Variants in PTCHD4 observed in about 807,000 individuals in gnomAD.
PTCHD4 encodes patched domain-containing protein 4.
PTCHD4 carries 33 observed loss-of-function variants against 58.1 expected under a neutral mutation model. That is an observed-to-expected ratio of 0.57 (90% CI 0.43 to 0.76). PTCHD4 has a LOEUF of 0.76. Among genes scored for constraint, PTCHD4 ranks in the 30% least tolerant of loss-of-function variants. The probability of loss-of-function intolerance (pLI) is 0.00; values close to 1 mark genes in which losing one functional copy is unlikely to be tolerated. For missense variants in PTCHD4, 1,058 were observed against 1,027.1 expected (o/e 1.03, Z -0.41); for synonymous variants, 478 against 409.6 (o/e 1.17, Z -2.02).
At chr6:48,079,901 C>A (rs552520701) in intron 1 of PTCHD4, among the ~76,000 whole-genome samples, 2 of 149,976 alleles carry the variant, frequency 1.3e-5, no homozygotes, top group Admixed American at 1.3e-4. Flanking sequence ...GAATTTATAG[C>A]CAATTTGGGA....
chr6:47,999,002 T>A (rs1229297840), intron 4 of PTCHD4, among the ~76,000 whole-genome samples: 1 of 152,184 alleles, frequency 6.6e-6, no homozygotes, highest in Non-Finnish European at 1.5e-5. Flanking sequence ...AGTCAATGTT[T>A]AAAAATGTTG....
intron 1 of PTCHD4, among the ~76,000 whole-genome samples, chr6:48,097,535 T>C (rs561905806): frequency 8.5e-5 from 13 of 152,158 alleles, no homozygotes; most frequent in Non-Finnish European, 1.8e-4. Context: ...CAGTCAATAA[T>C]AGAGTAAGAA....
chr6:47,943,615 CT>C (rs1326379963), intron 4 of PTCHD4, among the ~76,000 whole-genome samples: 3 of 152,102 alleles, frequency 2.0e-5, no homozygotes, highest in African/African-American at 7.2e-5. Flanking sequence ...CAAATCCCCC[CT>C]GCTGCTTGTT....
chr6:47,977,705 T>C (rs1173218610), intron 4 of PTCHD4, among the ~76,000 whole-genome samples: 1 of 147,772 alleles, frequency 6.8e-6, no homozygotes, highest in East Asian at 2.0e-4. Context: ...CTAAAACATA[T>C]ATATTTATAA....
rs1310685966 is a variant in PTCHD4 at position 47,874,834 on chromosome 6, A to G, written c.*3469T>C. 6.6e-6 allele frequency among the ~76,000 whole-genome samples: 1 copy of G among 151,864 alleles called. No individual in the cohort carries two copies. The highest frequency in any genetic ancestry group is 1.5e-5 in the Non-Finnish European group (1 of 67,860). On this transcript the variant is annotated 3_prime_UTR_variant, in exon 5 of 5. Transcript: ENST00000339488. ...TAACTGCAAGAATTCCTGGGAAGAC[A>G]TCTAAACATGACTTTCATTAAAAAG...
rs762271819 is a variant in PTCHD4, at chr6:48,068,508, C to T, written c.139G>A (p.Ala47Thr). 6.2e-7 allele frequency: 1 copy of T among 1,612,882 alleles called. No homozygotes were observed. Among genetic ancestry groups the T allele is most frequent in the Non-Finnish European group, 8.5e-7 (1 of 1,179,792 alleles). ...AGGCCGAAGGTGATTGTCAGGACTG[C>T]GGGCACGGTGAGGAAAAAGACCGGG... ...RHPVFFLTVP[A>T]VLTITFGLSA... The change falls in exon 3 of 5, where the codon GCA becomes ACA. Residue 47 changes from alanine to threonine, a missense_variant. Physicochemically the swap from Ala to Thr is moderately conservative, Grantham distance 58 (BLOSUM62 0). Coordinates refer to ENST00000339488, the MANE Select transcript of PTCHD4 (RefSeq NM_001384253.1). This position sits in a 1 kb window ranked among gnomAD's most constrained non-coding sequence, Gnocchi z 4.2.
chr6:47,966,783 T>G (rs1561982385), intron 4 of PTCHD4, among the ~76,000 whole-genome samples: 2 of 152,334 alleles, frequency 1.3e-5, no homozygotes, highest in East Asian at 3.9e-4. Flanking sequence ...TGTTGAATAT[T>G]TATCATGAGG....
At position 47,879,051 on chromosome 6, in the gene PTCHD4, C is replaced by A. The variant is rs747729730; in HGVS notation, c.1784G>T (p.Gly595Val). ...FRNDIIFSKAGDESNIIASRL... is the reference protein window; with the variant it reads ...FRNDIIFSKAVDESNIIASRL... ...AGAAGCAATGATATTGCTTTCATCC[C>A]CTGCCTTGGAGAAGATGATATCATT... Residue 595 changes from glycine (G) to valine (V), a missense_variant, in exon 5 of 5, where the codon GGG becomes GTG. Transcript: ENST00000339488. 6.2e-7 allele frequency: 1 copy of A among 1,613,492 alleles called. No individual in the cohort carries two copies. The highest frequency in any genetic ancestry group is 1.1e-5 in the South Asian group (1 of 91,078).
chr6:47,953,080 T>TGAGGAG (rs1181859521), intron 4 of PTCHD4, among the ~76,000 whole-genome samples: 3 of 151,256 alleles, frequency 2.0e-5, no homozygotes, highest in Admixed American at 6.6e-5. Context: ...AGGATGAGGA[T>TGAGGAG]GATGATGATG....
intron 4 of PTCHD4, among the ~76,000 whole-genome samples, chr6:47,982,544 A>G (rs930750583): frequency 1.4e-5 from 2 of 141,696 alleles, no homozygotes; most frequent in East Asian, 2.1e-4. Context: ...GCTGGAGTGC[A>G]GTGGCGCGAT....
At chr6:47,899,602 C>A (rs541237986) in intron 4 of PTCHD4, 5 of 979,610 alleles carry the variant, frequency 5.1e-6, no homozygotes, top group Admixed American at 1.2e-4. Context: ...GAAAGTGAAC[C>A]CCTTCCGTTT....
rs192432429 is a variant in PTCHD4, at chr6:47,959,000, T to C, written c.898+49634A>G. Among the ~76,000 whole-genome samples, 6 of 152,250 alleles carry C rather than the reference T, an allele frequency of 3.9e-5. No individual in the cohort carries two copies. The East Asian group carries it at 1.2e-3, about 29-fold the overall frequency. On this transcript the variant is annotated intron_variant, in intron 4 of 4. Transcript: ENST00000339488. ...CTAATATAAGTCTCAATAACAATCA[T>C]AGACATACAAAAATACATAGATTTC...
chr6:48,049,843 A>C (rs533126040), intron 3 of PTCHD4, among the ~76,000 whole-genome samples: 55 of 152,076 alleles, frequency 3.6e-4, no homozygotes, highest in African/African-American at 1.3e-3. Context: ...CATATCTTCA[A>C]TATTTTGGGT....
In PTCHD4 at chr6:48,053,110, T is replaced by A. The variant is rs527240415; in HGVS notation, c.417+15120A>T. ...CCACACTGATCTGGGGGAGCCAGGA[T>A]CCTTATATGAATGAATGAGAGATCT... On this transcript the variant is annotated intron_variant, in intron 3 of 4. Coordinates refer to ENST00000339488, the MANE Select transcript of PTCHD4 (RefSeq NM_001384253.1). Among the ~76,000 whole-genome samples, 4 of 152,180 alleles carry A rather than the reference T, an allele frequency of 2.6e-5. No individual in the cohort carries two copies. The South Asian group carries it at 8.3e-4, about 32-fold the overall frequency.
chr6:47,983,073 T>C (rs1223461121), intron 4 of PTCHD4, among the ~76,000 whole-genome samples: 1 of 152,138 alleles, frequency 6.6e-6, no homozygotes, highest in South Asian at 2.1e-4. Flanking sequence ...GGAGATACTG[T>C]TGGAGGATTA....
At chr6:47,913,390 G>A (rs1195261390) in intron 4 of PTCHD4, among the ~76,000 whole-genome samples, 1 of 151,846 alleles carries the variant, frequency 6.6e-6, no homozygotes, top group African/African-American at 2.4e-5. Flanking sequence ...CTTTTGATTT[G>A]GGTGACTTGC....
At chr6:48,000,459 T>TA (rs1768679459) in intron 4 of PTCHD4, among the ~76,000 whole-genome samples, 1 of 152,174 alleles carries the variant, frequency 6.6e-6, no homozygotes, top group African/African-American at 2.4e-5. Flanking sequence ...TTTCTTTTTT[T>TA]AAAAAATTCA....
chr6:47,922,559 C>A (rs1043948545), intron 4 of PTCHD4, among the ~76,000 whole-genome samples: 4 of 152,218 alleles, frequency 2.6e-5, no homozygotes, highest in African/African-American at 9.6e-5. Flanking sequence ...ATAAAGGAAT[C>A]CCTTCCTCCA....
At chr6:48,087,164 A>C (rs1334498514) in intron 1 of PTCHD4, among the ~76,000 whole-genome samples, 2 of 152,142 alleles carry the variant, frequency 1.3e-5, no homozygotes, top group African/African-American at 2.4e-5. Context: ...GTTTCAGGAC[A>C]GGTCTAGCCT....
Sources: allele counts gnomAD v4.1 joint callset (sites outside exome capture counted in the v4.1 genomes callset), GRCh38; gene constraint gnomAD v4.1.1; non-coding constraint Gnocchi (gnomAD v3.1); transcripts MANE v1.5; gene names NCBI Gene and HGNC (gene_info 2026-07-23, HGNC 2026-07-21).